Variants in NAA15 observed in about 807,000 individuals in gnomAD.
The protein encoded by NAA15 is N-alpha-acetyltransferase 15, NatA auxiliary subunit.
NAA15 carries 34 observed loss-of-function variants against 114.0 expected under a neutral mutation model. The observed-to-expected ratio is 0.30, with a 90% CI of 0.23 to 0.40. The LOEUF (loss-of-function observed/expected upper bound fraction) is 0.40. Among genes scored for constraint, NAA15 ranks in the 10% least tolerant of loss-of-function variants. NAA15 has a pLI of 1.00. For synonymous variants in NAA15, 340 were observed against 338.0 expected (o/e 1.01, Z -0.06); for missense variants, 658 against 1,004.5 (o/e 0.66, Z 4.66).
At chr4:139,376,298 A>G (rs1748578667) in intron 15 of NAA15, 67 bp from the exon 16 acceptor site, 8 of 973,080 alleles carry the variant, frequency 8.2e-6, no homozygotes, top group Non-Finnish European at 1.2e-5. Context: ...AAGAATTTTT[A>G]GTAGAATAAA....
At chr4:139,361,250 C>A (rs573122323) in intron 13 of NAA15, among the ~76,000 whole-genome samples, 3 of 152,172 alleles carry the variant, frequency 2.0e-5, no homozygotes, top group Admixed American at 2.0e-4. Context: ...GACTTACTTG[C>A]TAATTGATTT....
chr4:139,362,935 G>A (rs903076057), intron 14 of NAA15, among the ~76,000 whole-genome samples: 1 of 151,960 alleles, frequency 6.6e-6, no homozygotes, highest in Admixed American at 6.6e-5. Flanking sequence ...GATATGATTG[G>A]CTACTTTCTA....
intron 16 of NAA15, among the ~76,000 whole-genome samples, chr4:139,377,902 A>T (rs562843547): frequency 1.3e-5 from 2 of 152,210 alleles, no homozygotes; most frequent in South Asian, 4.1e-4. Context: ...TGCTCTGCTT[A>T]AAGTAGGGAA....
At chr4:139,380,776 G>A (rs1748728012) in intron 17 of NAA15, among the ~76,000 whole-genome samples, 1 of 152,168 alleles carries the variant, frequency 6.6e-6, no homozygotes, top group African/African-American at 2.4e-5. Context: ...AAGCCTTTAA[G>A]AAGTTGGGTA....
intron 1 of NAA15, among the ~76,000 whole-genome samples, chr4:139,318,024 A>G (rs1746471037): frequency 6.6e-6 from 1 of 152,238 alleles, no homozygotes; most frequent in African/African-American, 2.4e-5. Context: ...CAAGAGTATA[A>G]TATTCAGAAA....
intron 9 of NAA15, 66 bp from the exon 10 acceptor site, chr4:139,353,960 A>G: frequency 7.8e-7 from 1 of 1,280,024 alleles, no homozygotes; most frequent in South Asian, 1.2e-5. Context: ...AAAATAACAC[A>G]TTTTGCATAA....
chr4:139,309,304 C>T (rs1031576907), intron 1 of NAA15, among the ~76,000 whole-genome samples: 1 of 150,010 alleles, frequency 6.7e-6, no homozygotes, highest in Non-Finnish European at 1.5e-5. Context: ...GCCGAGATCG[C>T]GCCATTGCTC....
intron 1 of NAA15, among the ~76,000 whole-genome samples, chr4:139,314,295 G>C (rs997821945): frequency 6.6e-6 from 1 of 151,834 alleles, no homozygotes; most frequent in African/African-American, 2.4e-5. Flanking sequence ...GTGTGTCTGG[G>C]TGCTGCTGTG....
chr4:139,321,352 C>G (rs12332016), intron 1 of NAA15, among the ~76,000 whole-genome samples: 1 of 151,832 alleles, frequency 6.6e-6, no homozygotes, highest in African/African-American at 2.4e-5. Context: ...TGTGGAGAAT[C>G]TGGGTCTCAC....
chr4:139,312,808 T>A (rs1286232563), intron 1 of NAA15, among the ~76,000 whole-genome samples: 1 of 151,548 alleles, frequency 6.6e-6, no homozygotes, highest in Non-Finnish European at 1.5e-5. Flanking sequence ...ATCATGCCAC[T>A]GCACTCCAGC....
In NAA15 at chr4:139,344,249, C is replaced by T. The variant is rs1015535318; in HGVS notation, c.601C>T (p.Arg201Trp). Residue 201 changes from arginine (R) to tryptophan (W), a missense_variant, in exon 6 of 20, where the codon CGG (arginine) becomes TGG (tryptophan). Around this residue, in one of 6 missense-constraint regions of NAA15, gnomAD observed 281 missense variants for 389.1 expected, o/e 0.72. Transcript: ENST00000296543. ...ELLLYQNQVL[R>W]EAGLYREALE... ...ACTCTTATATCAGAATCAAGTTCTT[C>T]GGGAAGCAGGTCTCTATAGAGAAGC... is the stretch of plus-strand genomic sequence containing the variant. 4 of 1,612,870 alleles carry T rather than the reference C, an allele frequency of 2.5e-6. No individual in the cohort carries two copies. The highest frequency in any genetic ancestry group is 1.7e-5 in the Admixed American group (1 of 59,978).
At chr4:139,364,488 A>G (rs1748222584) in intron 14 of NAA15, among the ~76,000 whole-genome samples, 1 of 152,182 alleles carries the variant, frequency 6.6e-6, no homozygotes, top group South Asian at 2.1e-4. Context: ...TTCCTCCCCA[A>G]AATAGACTGC....
rs1749039839 is a variant in NAA15, at chr4:139,390,760, A to C, written c.*2676A>C. Reference sequence around the variant, plus strand: ...TTTTTCTGTATCGTATTTATTATGCACAAAAATAAAGTGTGATCTCTAATA... The same window carrying C: ...TTTTTCTGTATCGTATTTATTATGCCCAAAAATAAAGTGTGATCTCTAATA... On this transcript the variant is annotated 3_prime_UTR_variant, in exon 20 of 20. Coordinates refer to ENST00000296543, the MANE Select transcript of NAA15 (RefSeq NM_057175.5). 6.6e-6 allele frequency: 1 copy of C among 152,226 alleles called. No homozygotes were observed. The highest frequency in any genetic ancestry group is 2.4e-5 in the African/African-American group (1 of 41,456). 9.4% of individuals were successfully genotyped at this position (152,226 alleles called of 1,614,324 possible).
intron 14 of NAA15, among the ~76,000 whole-genome samples, chr4:139,368,802 A>G (rs539867144): frequency 6.6e-6 from 1 of 152,322 alleles, no homozygotes; most frequent in East Asian, 1.9e-4. Context: ...GTATTTTGGA[A>G]TGACTTTTTT....
rs926343907 is a variant in NAA15, at chr4:139,388,623, A to G, written c.*539A>G. On this transcript the variant is annotated 3_prime_UTR_variant, in exon 20 of 20. Transcript: ENST00000296543. ...CAGAGAAACCTACAACAGATGCTTG[A>G]TGTTGTAGAAACTGGGACATATAGA... 3.9e-5 allele frequency: 6 copies of G among 153,472 alleles called. No individual in the cohort carries two copies. The highest frequency in any genetic ancestry group is 5.8e-5 in the Non-Finnish European group (4 of 68,790). 9.5% of individuals were successfully genotyped at this position (153,472 alleles called of 1,614,324 possible). A position where few individuals can be genotyped will look rare whatever the true frequency, so the allele number is the denominator to read the frequency against.
intron 16 of NAA15, among the ~76,000 whole-genome samples, chr4:139,377,816 C>T (rs1748632819): frequency 6.6e-6 from 1 of 152,160 alleles, no homozygotes; most frequent in South Asian, 2.1e-4. Context: ...CAATAATTCT[C>T]AAACTTTAAC....
intron 1 of NAA15, among the ~76,000 whole-genome samples, chr4:139,325,328 C>T (rs1746761808): frequency 6.6e-6 from 1 of 152,092 alleles, no homozygotes; most frequent in African/African-American, 2.4e-5. Flanking sequence ...AATAAAATTT[C>T]TGTAGGTGAT....
At chr4:139,325,961 G>T (rs1746788357) in intron 1 of NAA15, among the ~76,000 whole-genome samples, 1 of 152,178 alleles carries the variant, frequency 6.6e-6, no homozygotes, top group Non-Finnish European at 1.5e-5. Flanking sequence ...AATTATATTT[G>T]TATAGGTTCA....
chr4:139,305,310 A>G (rs1478442849), intron 1 of NAA15, among the ~76,000 whole-genome samples: 1 of 152,216 alleles, frequency 6.6e-6, no homozygotes, highest in African/African-American at 2.4e-5. Flanking sequence ...AGGAAGAGTA[A>G]AGGAGCTAAA....
Sources: gnomAD v4.1 joint callset for allele counts (sites outside exome capture counted in the v4.1 genomes callset) on GRCh38, gnomAD v4.1.1 for gene constraint, gnomAD v4.1.1 regional missense constraint, MANE v1.5 for transcripts, NCBI Gene and HGNC (gene_info 2026-07-23, HGNC 2026-07-21) for gene names.